Variants in TTL observed in about 807,000 individuals in gnomAD.
TTL encodes tubulin--tyrosine ligase.
Under a neutral mutation model 41.1 loss-of-function variants are expected in TTL, and 10 were observed. The observed-to-expected ratio is 0.24, with a 90% CI of 0.15 to 0.41. The LOEUF (loss-of-function observed/expected upper bound fraction) is 0.41. Ranked by LOEUF, TTL falls within the 10% of genes least tolerant of loss-of-function variation. TTL has a pLI of 1.00. For synonymous variants in TTL, 175 were observed against 175.5 expected, an observed-to-expected ratio of 1.00 and a Z score of 0.02; for missense variants, 367 against 460.4, an observed-to-expected ratio of 0.80 and a Z score of 1.86.
chr2:112,495,613 C>T (rs6705344), intron 3 of TTL, among the ~76,000 whole-genome samples: 6,249 of 152,172 alleles, frequency 0.041, 451 homozygotes, highest in African/African-American at 0.14. Flanking sequence ...TTTGGGAAGC[C>T]GAGGCGGGCG....
At chr2:112,520,188 A>C in intron 5 of TTL, 94 bp from the exon 6 acceptor site, 5,658 of 619,334 alleles carry the variant, frequency 9.1e-3, no homozygotes, top group Non-Finnish European at 0.014. Flanking sequence ...TGATATTTGT[A>C]TTCATCTCAT....
chr2:112,503,805 C>CTTTT (rs70963002), intron 5 of TTL, among the ~76,000 whole-genome samples: 3,025 of 100,812 alleles, frequency 0.03, no homozygotes, highest in Non-Finnish European at 0.039. Context: ...CCGTAAACTT[C>CTTTT]TTTTTTTTTT....
chr2:112,514,306 T>TG (rs1479737752), intron 5 of TTL, among the ~76,000 whole-genome samples: 1 of 151,028 alleles, frequency 6.6e-6, no homozygotes, highest in East Asian at 1.9e-4. Context: ...AGCTTGAACC[T>TG]GGGGGGTGGA....
intron 2 of TTL, among the ~76,000 whole-genome samples, chr2:112,493,253 C>A (rs1392207193): frequency 6.6e-6 from 1 of 152,076 alleles, no homozygotes; most frequent in African/African-American, 2.4e-5. Flanking sequence ...TCAGGGAAGG[C>A]CAGTGCATGT....
chr2:112,534,979 GGAAA>G lies in TTL; in HGVS notation c.*6190_*6193del, dbSNP rs1320349994. 7.1e-6 allele frequency: 1 copy of G among 140,828 alleles called. No individual in the cohort carries two copies. Among genetic ancestry groups the G allele is most frequent in the Non-Finnish European group, 1.5e-5 (1 of 64,980 alleles). The allele number at this position is 140,828 out of a possible 1,614,324, so 8.7% of individuals were successfully genotyped here. On this transcript the variant is annotated 3_prime_UTR_variant, in exon 7 of 7. Coordinates refer to ENST00000233336, the MANE Select transcript of TTL (RefSeq NM_153712.5). ...AGAAAGAGAGAGGAAGAAAGAGAAAGGAAAGAAAGGCAGGCAGAAAGAAGGAGAA... is the reference window on the plus strand; with the variant it reads ...AGAAAGAGAGAGGAAGAAAGAGAAAGGAAAGGCAGGCAGAAAGAAGGAGAA...
rs778249822 is a variant in TTL at position 112,494,173 on chromosome 2, G to C, written c.267G>C (p.Glu89Asp). ...TCAAGACAAGCCCTGAACTGGCTGAGTCCTGCACATGGTTCCCTGAATCTT... is the reference window on the plus strand; with the variant it reads ...TCAAGACAAGCCCTGAACTGGCTGACTCCTGCACATGGTTCCCTGAATCTT... ...KLIKTSPELA[E>D]SCTWFPESYV... Residue 89 changes from glutamate to aspartate, a missense_variant, in exon 3 of 7, where the codon GAG becomes GAC. By Grantham distance (45) the Glu-to-Asp change is conservative. Transcript: ENST00000233336. 3 of 1,614,210 alleles carry C rather than the reference G, an allele frequency of 1.9e-6. No individual in the cohort carries two copies. In the Admixed American group the frequency reaches 5.0e-5, roughly 27 times the overall value.
intron 6 of TTL, among the ~76,000 whole-genome samples, chr2:112,524,154 A>G (rs565026618): frequency 1.3e-5 from 2 of 152,286 alleles, no homozygotes; most frequent in African/African-American, 2.4e-5. Flanking sequence ...ATAGTATTCC[A>G]TGGTATATAT....
At chr2:112,526,013 C>A (rs1003993425) in intron 6 of TTL, among the ~76,000 whole-genome samples, 1 of 151,750 alleles carries the variant, frequency 6.6e-6, no homozygotes, top group African/African-American at 2.4e-5. Flanking sequence ...TGAATTTTGT[C>A]AAAGGCCTTT....
At chr2:112,521,296 G>A (rs1682219863) in intron 6 of TTL, 1 of 985,378 alleles carries the variant, frequency 1.0e-6, no homozygotes, top group Non-Finnish European at 1.2e-6. Flanking sequence ...TCGGGAGAAG[G>A]CTGGTTGTAG....
chr2:112,501,455 T>A, intron 4 of TTL, 114 bp downstream of exon 4: 2 of 910,922 alleles, frequency 2.2e-6, no homozygotes, highest in Non-Finnish European at 3.1e-6. Context: ...GTTTAATATG[T>A]TACCAAAATT....
intron 2 of TTL, among the ~76,000 whole-genome samples, chr2:112,490,433 C>G (rs2104449038): frequency 6.6e-6 from 1 of 152,006 alleles, no homozygotes; most frequent in Admixed American, 6.6e-5. Flanking sequence ...AACAAACAAA[C>G]AAACAAAAAG....
intron 2 of TTL, among the ~76,000 whole-genome samples, chr2:112,488,435 C>T (rs1349657085): frequency 6.6e-6 from 1 of 152,122 alleles, no homozygotes; most frequent in Admixed American, 6.6e-5. Context: ...TTATAAACCG[C>T]CTAGTAGCCA....
intron 4 of TTL, 47 bp from the exon 5 acceptor site, chr2:112,502,865 G>C (rs374176223): frequency 1.2e-5 from 19 of 1,567,024 alleles, no homozygotes; most frequent in Non-Finnish European, 1.6e-5. Context: ...ATAATATGCA[G>C]AAACTTTGGA....
At chr2:112,519,548 ATGT>A (rs1426926555) in intron 5 of TTL, among the ~76,000 whole-genome samples, 3 of 133,204 alleles carry the variant, frequency 2.3e-5, no homozygotes, top group East Asian at 2.2e-4. Flanking sequence ...TGAGGTCAAC[ATGT>A]TTTTTTTTTT....
chr2:112,531,786 T>G lies in TTL; in HGVS notation c.*2991T>G, dbSNP rs1294393646. 4.5e-6 allele frequency: 1 copy of G among 224,422 alleles called. No individual in the cohort carries two copies. The allele number at this position is 224,422 out of a possible 1,614,324, so 13.9% of individuals were successfully genotyped here. A position where few individuals can be genotyped will look rare whatever the true frequency, so the allele number is the denominator to read the frequency against. On this transcript the variant is annotated 3_prime_UTR_variant, in exon 7 of 7. Transcript: ENST00000233336. ...CACAAGCAGGTGTTGTCTAAGCAGTTTCTCTGTTTGCTTGTCATAGCAGCA... is the reference window on the plus strand; with the variant it reads ...CACAAGCAGGTGTTGTCTAAGCAGTGTCTCTGTTTGCTTGTCATAGCAGCA...
chr2:112,518,216 T>C (rs1342358425), intron 5 of TTL, among the ~76,000 whole-genome samples: 1 of 151,098 alleles, frequency 6.6e-6, no homozygotes, highest in African/African-American at 2.4e-5. Context: ...TGACCTCAAG[T>C]GATCCATCTG....
At chr2:112,519,602 C>T in intron 5 of TTL, among the ~76,000 whole-genome samples, 1 of 145,740 alleles carries the variant, frequency 6.9e-6, no homozygotes. Context: ...AAGGGCAGTC[C>T]ATTCTTTACA....
chr2:112,482,522 C>A lies in TTL; in HGVS notation c.157+21C>A. On this transcript the variant is annotated intron_variant, in intron 1 of 6. Coordinates refer to ENST00000233336, the MANE Select transcript of TTL (RefSeq NM_153712.5). This position sits in a 1 kb window ranked among gnomAD's most constrained non-coding sequence, Gnocchi z 5.3. ...ACTGGGTGAGCCCCTCCCCGATTCC[C>A]GTCTGCCCTCCTCGGAGCGGCCCTG... The A allele has an allele frequency of 6.3e-7, 1 of 1,580,534 alleles. No individual in the cohort carries two copies.
chr2:112,519,450 A>G (rs1451195696), intron 5 of TTL, among the ~76,000 whole-genome samples: 1 of 152,072 alleles, frequency 6.6e-6, no homozygotes, highest in Non-Finnish European at 1.5e-5. Flanking sequence ...TAATACTTCT[A>G]CATTTCAACA....
Sources: allele counts gnomAD v4.1 joint callset (sites outside exome capture counted in the v4.1 genomes callset), GRCh38; gene constraint gnomAD v4.1.1; non-coding constraint Gnocchi (gnomAD v3.1); transcripts MANE v1.5; gene names NCBI Gene and HGNC (gene_info 2026-07-23, HGNC 2026-07-21).